CLSTN2: variants seen among roughly 807,000 people sequenced by gnomAD.
The protein encoded by CLSTN2 is calsyntenin 2.
CLSTN2 carries 48 observed loss-of-function variants against 101.2 expected under a neutral mutation model. The observed-to-expected ratio is 0.47, with a 90% CI of 0.38 to 0.60. The LOEUF is 0.60. Ranked by LOEUF, CLSTN2 falls within the 20% of genes least tolerant of loss-of-function variation. CLSTN2 has a pLI of 0.00. For synonymous variants in CLSTN2, 481 were observed against 463.6 expected (o/e 1.04, Z -0.48); for missense variants, 1,160 against 1,238.2 (o/e 0.94, Z 0.95).
At chr3:139,941,073 T>C (rs936336600) in intron 1 of CLSTN2, among the ~76,000 whole-genome samples, 9 of 152,172 alleles carry the variant, frequency 5.9e-5, no homozygotes, top group African/African-American at 1.9e-4. Context: ...CATGTTTATA[T>C]GGAATGGGGT....
intron 2 of CLSTN2, among the ~76,000 whole-genome samples, chr3:140,314,744 A>G (rs1276773314): frequency 6.6e-6 from 1 of 152,178 alleles, no homozygotes; most frequent in East Asian, 1.9e-4. Flanking sequence ...TCCCTTAAGA[A>G]GGAGCTTGTG....
chr3:140,269,675 G>C (rs1329908221), intron 2 of CLSTN2, among the ~76,000 whole-genome samples: 3 of 152,138 alleles, frequency 2.0e-5, no homozygotes. Flanking sequence ...GAACCGATGG[G>C]GGACCACATT....
intron 5 of CLSTN2, among the ~76,000 whole-genome samples, chr3:140,429,749 C>A (rs946096608): frequency 2.2e-4 from 33 of 152,078 alleles, no homozygotes; most frequent in Admixed American, 1.4e-3. Flanking sequence ...AGAGCACTCC[C>A]CCAAAAGTAC....
chr3:140,399,864 G>GCCTC (rs1158648991), intron 2 of CLSTN2, among the ~76,000 whole-genome samples: 1 of 151,654 alleles, frequency 6.6e-6, no homozygotes, highest in African/African-American at 2.4e-5. Context: ...TTGCCTCCCT[G>GCCTC]CCTCCCTCCC....
rs1334857661 is a variant in CLSTN2, at chr3:140,067,639, T to C, written c.110-108312T>C. On this transcript the variant is annotated intron_variant, in intron 1 of 16. Coordinates refer to ENST00000458420, the MANE Select transcript of CLSTN2 (RefSeq NM_022131.3). ...GAGGTGATGTCAGGATGTAAATCTG[T>C]GTGTTGTGGAAGATTAAGTGCCTGG... Among the ~76,000 whole-genome samples the C allele has an allele frequency of 2.0e-5, 3 of 152,266 alleles. No individual in the cohort carries two copies. In the East Asian group the frequency reaches 5.8e-4, roughly 29 times the overall value.
chr3:140,514,982 C>A (rs578019165), intron 8 of CLSTN2, among the ~76,000 whole-genome samples: 1 of 152,232 alleles, frequency 6.6e-6, no homozygotes, highest in African/African-American at 2.4e-5. Flanking sequence ...TGATAAAATT[C>A]AGCTATGAAT....
chr3:140,475,162 G>A (rs936206003), intron 8 of CLSTN2, among the ~76,000 whole-genome samples: 1 of 128,796 alleles, frequency 7.8e-6, no homozygotes, highest in Non-Finnish European at 1.9e-5. Context: ...ATCAGCAAGT[G>A]AGAGACGTCT....
chr3:140,294,438 C>A (rs535646010), intron 2 of CLSTN2, among the ~76,000 whole-genome samples: 1 of 152,328 alleles, frequency 6.6e-6, no homozygotes, highest in African/African-American at 2.4e-5. Flanking sequence ...GTCACCTCCA[C>A]CATTAAGAAC....
At chr3:139,986,277 A>C (rs749543216) in intron 1 of CLSTN2, among the ~76,000 whole-genome samples, 4 of 152,200 alleles carry the variant, frequency 2.6e-5, no homozygotes, top group Non-Finnish European at 5.9e-5. Flanking sequence ...GCTGTGAGTC[A>C]TTACCATAAT....
At chr3:140,360,456 A>G (rs1015536266) in intron 2 of CLSTN2, among the ~76,000 whole-genome samples, 13 of 152,248 alleles carry the variant, frequency 8.5e-5, no homozygotes, top group Non-Finnish European at 1.5e-4. Context: ...CATTTGAGTG[A>G]TCAAGAAAGG....
chr3:140,023,112 A>G (rs972738133), intron 1 of CLSTN2, among the ~76,000 whole-genome samples: 4 of 152,022 alleles, frequency 2.6e-5, no homozygotes, highest in Non-Finnish European at 5.9e-5. Flanking sequence ...ACTGCCACTC[A>G]CCCAAAACCA....
chr3:140,211,647 T>C (rs1343647614), intron 2 of CLSTN2, among the ~76,000 whole-genome samples: 3 of 151,606 alleles, frequency 2.0e-5, no homozygotes, highest in African/African-American at 7.3e-5. Flanking sequence ...GTAGTTGTAA[T>C]GCTTTTAGTA....
intron 2 of CLSTN2, among the ~76,000 whole-genome samples, chr3:140,246,595 A>G (rs1439369467): frequency 2.0e-5 from 3 of 152,238 alleles, no homozygotes; most frequent in Non-Finnish European, 4.4e-5. Context: ...AAACAATGTA[A>G]CATACATAGC....
intron 1 of CLSTN2, among the ~76,000 whole-genome samples, chr3:140,156,710 A>C (rs1229254789): frequency 6.6e-6 from 1 of 152,214 alleles, no homozygotes; most frequent in Non-Finnish European, 1.5e-5. Context: ...AGGACACTGT[A>C]GGTGTTGGTT....
At chr3:140,248,720 T>C (rs1405950622) in intron 2 of CLSTN2, among the ~76,000 whole-genome samples, 1 of 152,208 alleles carries the variant, frequency 6.6e-6, no homozygotes, top group Admixed American at 6.5e-5. Flanking sequence ...AGGGTCCTTA[T>C]AGAATTCCTC....
Position 140,546,540 on chromosome 3 carries a change from T to C in CLSTN2, c.1533T>C (p.Phe511=), listed in dbSNP as rs757299781. ...GAGGAGAAGTCACCAAACCACAGTT[T>C]GCTCAGTTCTTTCATGGAAGCCTGG... ...WQGGEVTKPQ[F]AQFFHGSLAS... Residue 511 remains phenylalanine, a synonymous_variant, in exon 10 of 17, where the codon TTT becomes TTC. Coordinates refer to ENST00000458420, the MANE Select transcript of CLSTN2 (RefSeq NM_022131.3). 6.2e-7 allele frequency: 1 copy of C among 1,614,112 alleles called. No individual in the cohort carries two copies. The highest frequency in any genetic ancestry group is 1.1e-5 in the South Asian group (1 of 91,062).
intron 2 of CLSTN2, among the ~76,000 whole-genome samples, chr3:140,291,289 C>G (rs2086949894): frequency 6.6e-6 from 1 of 151,210 alleles, no homozygotes; most frequent in Non-Finnish European, 1.5e-5. Flanking sequence ...CTTTATTACT[C>G]TCTCTCCCCT....
chr3:140,464,950 A>G (rs1047861048), intron 7 of CLSTN2, among the ~76,000 whole-genome samples: 4 of 152,164 alleles, frequency 2.6e-5, no homozygotes, highest in Admixed American at 6.5e-5. Context: ...TGAAAGCACT[A>G]CTTCGTTGTG....
Position 139,935,355 on chromosome 3 carries a change from C to G in CLSTN2, c.-20C>G, listed in dbSNP as rs570391029. 94 of 1,203,360 alleles carry G rather than the reference C, an allele frequency of 7.8e-5. No individual in the cohort carries two copies. Among genetic ancestry groups the G allele is most frequent in the Middle Eastern group, 6.3e-4 (2 of 3,156 alleles). The allele number at this position is 1,203,360 out of a possible 1,614,324, so 74.5% of individuals were successfully genotyped here. A position where few individuals can be genotyped will look rare whatever the true frequency, so the allele number is the denominator to read the frequency against. ...CGGACAGTAGGCGGCGGCTGCAGCTCGTTGGCGGCTGCTGCGAGGATGCTG... is the reference window on the plus strand; with the variant it reads ...CGGACAGTAGGCGGCGGCTGCAGCTGGTTGGCGGCTGCTGCGAGGATGCTG... On this transcript the variant is annotated 5_prime_UTR_variant, in exon 1 of 17. Transcript: ENST00000458420. This position sits in a 1 kb window ranked among gnomAD's most constrained non-coding sequence, Gnocchi z 5.5.
Sources: gnomAD v4.1 joint callset for allele counts (sites outside exome capture counted in the v4.1 genomes callset) on GRCh38, gnomAD v4.1.1 for gene constraint, Gnocchi (gnomAD v3.1) non-coding constraint, MANE v1.5 for transcripts, NCBI Gene and HGNC (gene_info 2026-07-23, HGNC 2026-07-21) for gene names.